The following PNMT variants were observed in gnomAD, a reference collection of about 807,000 sequenced individuals.
PNMT encodes the protein noradrenaline N-methyltransferase.
PNMT carries 18 observed loss-of-function variants against 18.9 expected under a neutral mutation model. That is an observed-to-expected ratio of 0.95 (90% CI 0.66 to 1.41). The LOEUF (loss-of-function observed/expected upper bound fraction) is 1.41. Ranked by LOEUF, PNMT falls within the 40% of genes most tolerant of loss-of-function variation. PNMT has a pLI of 0.00. For synonymous variants in PNMT, 167 were observed against 168.6 expected (o/e 0.99, Z 0.08); for missense variants, 378 against 387.0 (o/e 0.98, Z 0.20).
upstream of PNMT, chr17:39,668,158 C>G: frequency 4.1e-6 from 1 of 246,650 alleles, no homozygotes; most frequent in Non-Finnish European, 6.7e-6. Context: ...GGGTGAGGAA[C>G]TGAGGGTGGG....
At chr17:39,668,893 GA>G (rs2057276020) in intron 1 of PNMT, among the ~76,000 whole-genome samples, 3 of 150,654 alleles carry the variant, frequency 2.0e-5, no homozygotes, top group Non-Finnish European at 4.4e-5. Context: ...AGGGGGCGGA[GA>G]GTGCTCAGAA....
chr17:39,668,726 G>C, intron 1 of PNMT, 49 bp downstream of exon 1: 1 of 1,426,172 alleles, frequency 7.0e-7, no homozygotes, highest in Non-Finnish European at 9.6e-7. Flanking sequence ...GTCGGGGAGT[G>C]AAAGCAGGCG....
upstream of PNMT, chr17:39,668,148 G>A: frequency 3.2e-6 from 1 of 312,152 alleles, no homozygotes; most frequent in Non-Finnish European, 5.8e-6. Flanking sequence ...AAGATTGTGG[G>A]GGTGAGGAAC....
Position 39,668,527 on chromosome 17 carries a change from C to T in PNMT, c.52C>T (p.Pro18Ser), listed in dbSNP as rs765682050. 1.3e-6 allele frequency: 2 copies of T among 1,542,876 alleles called. No individual in the cohort carries two copies. Among genetic ancestry groups the T allele is most frequent in the Non-Finnish European group, 8.7e-7 (1 of 1,150,448 alleles). Residue 18 changes from proline (P) to serine (S), a missense_variant, in exon 1 of 3, where the codon CCG becomes TCG. Pro to Ser is a moderately conservative substitution (Grantham distance 74). Coordinates refer to ENST00000269582, the MANE Select transcript of PNMT (RefSeq NM_002686.4). ...PNAGAAPDSA[P>S]GQAAVASAYQ... is the part of the protein sequence containing the mutation. ...TGCGGGCGCAGCCCCTGACTCGGCC[C>T]CGGGCCAGGCGGCGGTGGCTTCGGC... is the stretch of plus-strand genomic sequence containing the variant.
At position 39,669,814 on chromosome 17, in the gene PNMT, G is replaced by A. The variant is rs772730659; in HGVS notation, c.388G>A (p.Ala130Thr). The A allele has an allele frequency of 1.9e-6, 3 of 1,613,978 alleles. No individual in the cohort carries two copies. The South Asian group carries it at 3.3e-5, about 18-fold the overall frequency. The change falls in exon 2 of 3, where the codon GCC (alanine) becomes ACC (threonine). Residue 130 changes from alanine (A) to threonine (T), a missense_variant. Ala to Thr is a moderately conservative substitution (Grantham distance 58, BLOSUM62 0). Coordinates refer to ENST00000269582, the MANE Select transcript of PNMT (RefSeq NM_002686.4). Reference protein sequence around the residue: ...AFNWSMYSQHACLIEGKGECW... With the variant: ...AFNWSMYSQHTCLIEGKGECW... ...CAACTGGAGCATGTACAGCCAACAT[G>A]CCTGCCTCATTGAGGGCAAGGGGTA... is the stretch of plus-strand genomic sequence containing the variant.
At chr17:39,669,858 T>C in intron 2 of PNMT, 22 bp downstream of exon 2, 1 of 1,606,618 alleles carries the variant, frequency 6.2e-7, no homozygotes, top group Non-Finnish European at 8.5e-7. Context: ...GGGGTGAGGG[T>C]TGGGGAGGAG....
chr17:39,669,719 C>A lies in PNMT; in HGVS notation c.293C>A (p.Thr98Asn). 1.9e-6 allele frequency: 3 copies of A among 1,614,048 alleles called. No individual in the cohort carries two copies. The highest frequency in any genetic ancestry group is 2.5e-6 in the Non-Finnish European group (3 of 1,179,918). Reference sequence around the variant, plus strand: ...GCCTGCAGCCACTTTGAGGACATCACCATGACAGATTTCCTGGAGGTCAAC... The same window carrying A: ...GCCTGCAGCCACTTTGAGGACATCAACATGACAGATTTCCTGGAGGTCAAC... ...LSACSHFEDITMTDFLEVNRQ... is the reference protein window; with the variant it reads ...LSACSHFEDINMTDFLEVNRQ... The change falls in exon 2 of 3, where the codon ACC becomes AAC. Residue 98 changes from threonine (T) to asparagine (N), a missense_variant. Coordinates refer to ENST00000269582, the MANE Select transcript of PNMT (RefSeq NM_002686.4).
chr17:39,670,411 G>T lies in PNMT; in HGVS notation c.*22G>T. ...GTGAGGGCTGTACCTGGTGCCCTGT[G>T]GCCCCCACCCACCTGGATTCCCTGT... On this transcript the variant is annotated 3_prime_UTR_variant, in exon 3 of 3. Transcript: ENST00000269582. The T allele has an allele frequency of 1.3e-6, 2 of 1,527,096 alleles. No homozygotes were observed. Among genetic ancestry groups the T allele is most frequent in the South Asian group, 1.3e-5 (1 of 79,580 alleles). 94.6% of individuals were successfully genotyped at this position (1,527,096 alleles called of 1,614,324 possible).
rs762272500 is a variant in PNMT at position 39,668,634 on chromosome 17, C to T, written c.159C>T (p.Val53=). Residue 53 remains valine (V), a synonymous_variant, in exon 1 of 3, where the codon GTC becomes GTT. Coordinates refer to ENST00000269582, the MANE Select transcript of PNMT (RefSeq NM_002686.4). Reference sequence around the variant, plus strand: ...GGGACCTGTGCAACCCGAACGGCGTCGGGCCGTGGAAGCTGCGCTGCTTGG... The same window carrying T: ...GGGACCTGTGCAACCCGAACGGCGTTGGGCCGTGGAAGCTGCGCTGCTTGG... ...PRGDLCNPNG[V]GPWKLRCLAQ... is the part of the protein sequence containing the mutation. 35 of 1,603,038 alleles carry T rather than the reference C, an allele frequency of 2.2e-5. No homozygotes were observed. The highest frequency in any genetic ancestry group is 3.0e-5 in the Non-Finnish European group (35 of 1,176,442).
chr17:39,668,817 T>C, intron 1 of PNMT, 140 bp downstream of exon 1: 3 of 647,584 alleles, frequency 4.6e-6, no homozygotes, highest in Non-Finnish European at 7.6e-6. Flanking sequence ...AGCTGAGAGG[T>C]GCAAACAGAA....
intron 2 of PNMT, 47 bp from the exon 3 acceptor site, chr17:39,669,904 C>G (rs1214956942): frequency 6.3e-7 from 1 of 1,590,504 alleles, no homozygotes; most frequent in South Asian, 1.1e-5. Context: ...GCAACAGAGG[C>G]CTGAGCGTAG....
At chr17:39,669,595 T>A in intron 1 of PNMT, 34 bp from the exon 2 acceptor site, 1 of 1,568,012 alleles carries the variant, frequency 6.4e-7, no homozygotes, top group Admixed American at 1.7e-5. Flanking sequence ...CTGGGCTGGC[T>A]GGCACCAGGA....
intron 1 of PNMT, 77 bp downstream of exon 1, chr17:39,668,754 G>A: frequency 8.1e-7 from 1 of 1,228,958 alleles, no homozygotes; most frequent in Non-Finnish European, 1.1e-6. Flanking sequence ...ATAAAAAGAA[G>A]GAAAGGGAGA....
At position 39,669,674 on chromosome 17, in the gene PNMT, C is replaced by T. The variant is rs1171467786; in HGVS notation, c.248C>T (p.Thr83Ile). Reference protein sequence around the residue: ...RTLIDIGSGPTVYQLLSACSH... With the variant: ...RTLIDIGSGPIVYQLLSACSH... ...CTCATCGACATTGGTTCAGGCCCCA[C>T]CGTGTACCAGCTGCTCAGTGCCTGC... Residue 83 changes from threonine (T) to isoleucine (I), a missense_variant, in exon 2 of 3, where the codon ACC becomes ATC. Transcript: ENST00000269582. 1 of 1,614,040 alleles carries T rather than the reference C, an allele frequency of 6.2e-7. No individual in the cohort carries two copies.
At position 39,670,445 on chromosome 17, in the gene PNMT, G is replaced by C. The variant is rs986658877; in HGVS notation, c.*56G>C. On this transcript the variant is annotated 3_prime_UTR_variant, in exon 3 of 3. Transcript: ENST00000269582. ...CCACCTGGATTCCCTGTTCTTTGAA[G>C]TGGCACCTAATAAAGAAATAATACC... 7.4e-7 allele frequency: 1 copy of C among 1,346,938 alleles called. No homozygotes were observed. The highest frequency in any genetic ancestry group is 1.4e-5 in the African/African-American group (1 of 69,002). 83.4% of individuals were successfully genotyped at this position (1,346,938 alleles called of 1,614,324 possible).
chr17:39,669,397 T>C lies in PNMT; in HGVS notation c.203-232T>C, dbSNP rs551097340. Among the ~76,000 whole-genome samples the C allele has an allele frequency of 4.6e-5, 7 of 152,262 alleles. No homozygotes were observed. The East Asian group carries it at 1.4e-3, about 29-fold the overall frequency. On this transcript the variant is annotated intron_variant, in intron 1 of 2. Transcript: ENST00000269582. Reference sequence around the variant, plus strand: ...CGCCCGGCCAGTAGGTATAGTCTTCTAGATGTGAAACCTGAGTCTCAGAGC... The same window carrying C: ...CGCCCGGCCAGTAGGTATAGTCTTCCAGATGTGAAACCTGAGTCTCAGAGC...
In PNMT at chr17:39,669,087, T is replaced by G. The variant is rs2057277157; in HGVS notation, c.202+410T>G. Reference sequence around the variant, plus strand: ...TCATTTATTTACTTATTTTTATTTTTTATTTGTTTTGAGACGGAGTTTCGC... The same window carrying G: ...TCATTTATTTACTTATTTTTATTTTGTATTTGTTTTGAGACGGAGTTTCGC... On this transcript the variant is annotated intron_variant, in intron 1 of 2. Transcript: ENST00000269582. Among the ~76,000 whole-genome samples the G allele has an allele frequency of 3.9e-5, 6 of 152,284 alleles. 1 individual carries two copies. The South Asian group carries it at 1.2e-3, about 32-fold the overall frequency.
upstream of PNMT, chr17:39,668,451 G>A (rs1159256963): frequency 3.6e-6 from 5 of 1,379,212 alleles, no homozygotes; most frequent in African/African-American, 1.5e-5. Context: ...GGCGAGCGGG[G>A]CACTGGGCGG....
In PNMT at chr17:39,668,788, G is replaced by A. The variant is rs1184319850; in HGVS notation, c.202+111G>A. Reference sequence around the variant, plus strand: ...GACAGACCAGGCGCCTAACAGATGGGGACCAAGAAACAAGAGATAGCTGAG... The same window carrying A: ...GACAGACCAGGCGCCTAACAGATGGAGACCAAGAAACAAGAGATAGCTGAG... On this transcript the variant is annotated intron_variant, in intron 1 of 2. Transcript: ENST00000269582. 4 of 832,152 alleles carry A rather than the reference G, an allele frequency of 4.8e-6. No individual in the cohort carries two copies. In the East Asian group the frequency reaches 1.1e-4, roughly 24 times the overall value. 51.5% of individuals were successfully genotyped at this position (832,152 alleles called of 1,614,324 possible). A position where few individuals can be genotyped will look rare whatever the true frequency, so the allele number is the denominator to read the frequency against.
Sources: gnomAD v4.1 joint callset for allele counts (sites outside exome capture counted in the v4.1 genomes callset) on GRCh38, gnomAD v4.1.1 for gene constraint, MANE v1.5 for transcripts, NCBI Gene and HGNC (gene_info 2026-07-23, HGNC 2026-07-21) for gene names.